Variants in TDRD3 observed in about 807,000 individuals in gnomAD.
TDRD3 encodes tudor domain containing 3, also known as tudor domain-containing protein 3.
Under a neutral mutation model 86.7 loss-of-function variants are expected in TDRD3, and 45 were observed. That is an observed-to-expected ratio of 0.52 (90% CI 0.41 to 0.67). TDRD3 has a LOEUF of 0.67. TDRD3 is among the 30% of genes least tolerant of loss of function. The pLI is 0.00. For missense variants in TDRD3, 814 were observed against 889.0 expected (o/e 0.92, Z 1.07); for synonymous variants, 298 against 301.7 (o/e 0.99, Z 0.13).
intron 12 of TDRD3, among the ~76,000 whole-genome samples, chr13:60,556,802 A>G (rs1958197345): frequency 6.6e-6 from 1 of 152,244 alleles, no homozygotes; most frequent in Non-Finnish European, 1.5e-5. Context: ...TCTGGAAATA[A>G]TGGTATTTGA....
chr13:60,509,985 C>G, intron 9 of TDRD3, 66 bp downstream of exon 9: 1 of 1,538,966 alleles, frequency 6.5e-7, no homozygotes, highest in Non-Finnish European at 8.8e-7. Context: ...ATGTTATTGA[C>G]AGAGGCTGTT....
chr13:60,399,465 G>A (rs959029443), intron 1 of TDRD3, among the ~76,000 whole-genome samples: 3 of 152,126 alleles, frequency 2.0e-5, no homozygotes, highest in Non-Finnish European at 4.4e-5. Flanking sequence ...GCTAGGTCTC[G>A]AACAGACTAG....
chr13:60,517,340 AG>A (rs1274040263), intron 10 of TDRD3, among the ~76,000 whole-genome samples: 2 of 152,220 alleles, frequency 1.3e-5, no homozygotes, highest in African/African-American at 4.8e-5. Context: ...GGCCGAGACA[AG>A]AGAGAATGTG....
intron 10 of TDRD3, among the ~76,000 whole-genome samples, chr13:60,524,506 C>CA (rs71092681): frequency 7.7e-4 from 109 of 141,970 alleles, no homozygotes; most frequent in African/African-American, 1.1e-3. Flanking sequence ...GGCTCCATCT[C>CA]AAAAAAAAAA....
intron 1 of TDRD3, among the ~76,000 whole-genome samples, chr13:60,407,848 A>G (rs1954270489): frequency 6.6e-6 from 1 of 152,190 alleles, no homozygotes; most frequent in Non-Finnish European, 1.5e-5. Context: ...CCAAATCTCA[A>G]CTTGAATTGT....
intron 1 of TDRD3, among the ~76,000 whole-genome samples, chr13:60,402,577 A>AAGTC (rs1050092371): frequency 6.6e-6 from 1 of 152,136 alleles, no homozygotes; most frequent in African/African-American, 2.4e-5. Flanking sequence ...CCTTTAAAGT[A>AAGTC]AGTCACATGT....
chr13:60,434,236 G>A (rs141321294), intron 1 of TDRD3, among the ~76,000 whole-genome samples: 82 of 152,202 alleles, frequency 5.4e-4, no homozygotes, highest in African/African-American at 1.9e-3. Context: ...TTGGGAGGCC[G>A]AGGTGGGCGG....
intron 1 of TDRD3, among the ~76,000 whole-genome samples, chr13:60,436,828 A>G (rs1026312671): frequency 2.0e-5 from 3 of 152,154 alleles, no homozygotes; most frequent in African/African-American, 7.2e-5. Flanking sequence ...TTTTGTAGGG[A>G]TGGAATATTT....
chr13:60,541,988 A>G (rs982637816), intron 12 of TDRD3, among the ~76,000 whole-genome samples: 1 of 151,812 alleles, frequency 6.6e-6, no homozygotes, highest in Non-Finnish European at 1.5e-5. Flanking sequence ...CAGCCTCCCA[A>G]AGTGCTGGGA....
chr13:60,406,056 T>G (rs1051991970), intron 1 of TDRD3, among the ~76,000 whole-genome samples: 28 of 152,192 alleles, frequency 1.8e-4, no homozygotes, highest in African/African-American at 6.8e-4. Flanking sequence ...GTCGCATTTT[T>G]GGGGGTTGGG....
intron 5 of TDRD3, among the ~76,000 whole-genome samples, chr13:60,477,212 ATTG>A (rs200056651): frequency 0.14 from 20,849 of 145,656 alleles, 1,530 homozygotes; most frequent in East Asian, 0.18. Flanking sequence ...TATTATTATT[ATTG>A]TTATTATTAT....
chr13:60,424,733 ATT>A (rs1954758404), intron 1 of TDRD3, among the ~76,000 whole-genome samples: 1 of 152,164 alleles, frequency 6.6e-6, no homozygotes, highest in Non-Finnish European at 1.5e-5. Flanking sequence ...ATTCACAGAG[ATT>A]TGTAATCATC....
chr13:60,532,040 T>A (rs899248882), intron 11 of TDRD3, among the ~76,000 whole-genome samples: 3 of 152,168 alleles, frequency 2.0e-5, no homozygotes, highest in African/African-American at 7.2e-5. Flanking sequence ...TCCAAATACC[T>A]GTTACAATTG....
At chr13:60,418,993 T>C (rs546341021) in intron 1 of TDRD3, among the ~76,000 whole-genome samples, 1 of 152,232 alleles carries the variant, frequency 6.6e-6, no homozygotes, top group Admixed American at 6.5e-5. Context: ...TTGGTTATTA[T>C]GAATAAGGCT....
At chr13:60,447,569 G>T (rs924963073) in intron 3 of TDRD3, among the ~76,000 whole-genome samples, 8 of 152,148 alleles carry the variant, frequency 5.3e-5, no homozygotes, top group Non-Finnish European at 7.3e-5. Context: ...TAGGTATCTT[G>T]TTACTGAGAG....
At position 60,567,630 on chromosome 13, in the gene TDRD3, G is replaced by T. The variant is rs1566312809; in HGVS notation, c.2224G>T (p.Ala742Ser). The T allele has an allele frequency of 6.2e-7, 1 of 1,614,074 alleles. No individual in the cohort carries two copies. Among genetic ancestry groups the T allele is most frequent in the African/African-American group, 1.3e-5 (1 of 75,020 alleles). ...CCAACAGTTTTACCAACCACCCCGG[G>T]CTCGGAACTAATAGGAAAAGGTAAA... ...PTQQFYQPPR[A>S]RN Residue 742 changes from alanine (A) to serine (S), a missense_variant, in exon 13 of 14, where the codon GCT becomes TCT. Ala to Ser is a moderately conservative substitution (Grantham distance 99). Transcript: ENST00000377881.
At chr13:60,534,406 C>T (rs1957652620) in intron 11 of TDRD3, among the ~76,000 whole-genome samples, 1 of 152,104 alleles carries the variant, frequency 6.6e-6, no homozygotes, top group South Asian at 2.1e-4. Flanking sequence ...GTTCTTAGAG[C>T]TGGCTAACAC....
chr13:60,506,618 G>C (rs768536759), intron 8 of TDRD3, among the ~76,000 whole-genome samples: 1 of 152,078 alleles, frequency 6.6e-6, no homozygotes, highest in African/African-American at 2.4e-5. Context: ...CTAGCTGGGC[G>C]TTGTGGTGCA....
At position 60,528,860 on chromosome 13, in the gene TDRD3, T is replaced by G; in HGVS notation, c.1635T>G (p.Tyr545Ter). The change falls in exon 11 of 14, where the codon TAT (tyrosine) becomes TAG (stop). Residue 545 changes from tyrosine to a stop codon, truncating the protein, a stop_gained. Transcript: ENST00000377881. LOFTEE classifies it high-confidence loss of function. ...KRESQTSIPDYFYDRKSQTIN... is the reference protein window; with the variant it reads ...KRESQTSIPD ...AAAGCCAAACATCTATTCCTGATTATTTTTATGACAGGAAATCACAAACAA... is the reference window on the plus strand; with the variant it reads ...AAAGCCAAACATCTATTCCTGATTAGTTTTATGACAGGAAATCACAAACAA... 6.2e-7 allele frequency: 1 copy of G among 1,612,962 alleles called. No individual in the cohort carries two copies. The highest frequency in any genetic ancestry group is 2.2e-5 in the East Asian group (1 of 44,866).
Sources: allele counts gnomAD v4.1 joint callset (sites outside exome capture counted in the v4.1 genomes callset), GRCh38; gene constraint gnomAD v4.1.1; transcripts MANE v1.5; gene names NCBI Gene and HGNC (gene_info 2026-07-23, HGNC 2026-07-21).